BMPR2: variants seen among roughly 807,000 people sequenced by gnomAD.
BMPR2 encodes bone morphogenetic protein receptor type-2.
Under a neutral mutation model 100.8 loss-of-function variants are expected in BMPR2, and 29 were observed. That is an observed-to-expected ratio of 0.29 (90% CI 0.21 to 0.39). The LOEUF is 0.39. Ranked by LOEUF, BMPR2 falls within the 10% of genes least tolerant of loss-of-function variation. The probability of loss-of-function intolerance (pLI) is 1.00; values close to 1 mark genes in which losing one functional copy is unlikely to be tolerated. For missense variants in BMPR2, 1,011 were observed against 1,274.5 expected (o/e 0.79, Z 3.15); for synonymous variants, 382 against 442.3 (o/e 0.86, Z 1.71).
chr2:202,448,225 G>A (rs561463314), intron 1 of BMPR2, among the ~76,000 whole-genome samples: 15 of 151,142 alleles, frequency 9.9e-5, no homozygotes, highest in African/African-American at 3.6e-4. Context: ...CGAGGCGGGC[G>A]GATCATGAGG....
chr2:202,387,105 T>A (rs1338511401), intron 1 of BMPR2, among the ~76,000 whole-genome samples: 1 of 152,242 alleles, frequency 6.6e-6, no homozygotes, highest in African/African-American at 2.4e-5. Flanking sequence ...CTTCTGCAAT[T>A]TATGACCTCA....
intron 7 of BMPR2, among the ~76,000 whole-genome samples, chr2:202,523,472 C>T (rs1447213974): frequency 1.3e-5 from 2 of 152,200 alleles, no homozygotes; most frequent in Non-Finnish European, 2.9e-5. Context: ...GATACGGAAT[C>T]AACCTACTTG....
rs1199192964 is a variant in BMPR2, at chr2:202,503,347, G to A, written c.419-10372G>A. Among the ~76,000 whole-genome samples the A allele has an allele frequency of 5.3e-5, 8 of 152,346 alleles. No individual in the cohort carries two copies. In the South Asian group the frequency reaches 6.2e-4, roughly 12 times the overall value. The stretch of plus-strand genomic sequence containing the variant: ...GCCCCTTTCTGGGCTGGCCAAGGCC[G>A]GAGCCCACTCCCTCAGCTTGCAGGG... On this transcript the variant is annotated intron_variant, in intron 3 of 12. Transcript: ENST00000374580. This position sits in a 1 kb window ranked among gnomAD's most constrained non-coding sequence, Gnocchi z 4.0.
At chr2:202,553,004 A>G (rs1382532182) in intron 11 of BMPR2, 116 bp downstream of exon 11, 13 of 1,262,454 alleles carry the variant, frequency 1.0e-5, no homozygotes, top group Middle Eastern at 2.3e-4. Flanking sequence ...ACCTCATACA[A>G]TCTAAAGTTA....
At chr2:202,414,576 T>A (rs1385185618) in intron 1 of BMPR2, among the ~76,000 whole-genome samples, 4 of 152,222 alleles carry the variant, frequency 2.6e-5, no homozygotes, top group Admixed American at 2.6e-4. Context: ...GAAAAGTTCT[T>A]GAAGAAAATT....
At chr2:202,446,379 C>G (rs1691849130) in intron 1 of BMPR2, among the ~76,000 whole-genome samples, 1 of 149,506 alleles carries the variant, frequency 6.7e-6, no homozygotes, top group South Asian at 2.1e-4. Context: ...GCTGGGGCAA[C>G]AAGAGCGAAA....
At chr2:202,545,515 A>T (rs1180512014) in intron 10 of BMPR2, among the ~76,000 whole-genome samples, 1 of 152,184 alleles carries the variant, frequency 6.6e-6, no homozygotes, top group Non-Finnish European at 1.5e-5. Flanking sequence ...AGCAACTTAA[A>T]TTATTTTACT....
intron 3 of BMPR2, among the ~76,000 whole-genome samples, chr2:202,484,810 A>G (rs1461398869): frequency 6.6e-6 from 1 of 151,018 alleles, no homozygotes. Flanking sequence ...ACTAAAAAAA[A>G]TGCAAAAAAT....
intron 1 of BMPR2, among the ~76,000 whole-genome samples, chr2:202,404,167 C>G (rs1298384312): frequency 6.7e-6 from 1 of 149,378 alleles, no homozygotes; most frequent in Non-Finnish European, 1.5e-5. Flanking sequence ...CATTTTAGAG[C>G]TAAAATTTGT....
At chr2:202,437,750 A>G (rs1358290992) in intron 1 of BMPR2, among the ~76,000 whole-genome samples, 1 of 150,630 alleles carries the variant, frequency 6.6e-6, no homozygotes, top group South Asian at 2.1e-4. Context: ...TCTTTCACTC[A>G]GCATAATGTT....
At chr2:202,515,721 C>A (rs901413728) in intron 5 of BMPR2, among the ~76,000 whole-genome samples, 2 of 152,004 alleles carry the variant, frequency 1.3e-5, no homozygotes, top group African/African-American at 4.8e-5. Flanking sequence ...GAAACCCTAT[C>A]TCTACTAAAA....
intron 1 of BMPR2, among the ~76,000 whole-genome samples, chr2:202,457,777 T>A (rs1397276749): frequency 6.6e-6 from 1 of 152,154 alleles, no homozygotes; most frequent in African/African-American, 2.4e-5. Context: ...TCACCCACAC[T>A]GGAGTGCAAT....
In BMPR2 at chr2:202,384,569, T is replaced by TTTCTTTCTTTCTTTCTTTTTTTCTTTC. The variant is rs138215628; in HGVS notation, c.76+7021_76+7022insCTTTCTTTCTTTCTTTTTTTCTTTCTT. On this transcript the variant is annotated intron_variant, in intron 1 of 12. Coordinates refer to ENST00000374580, the MANE Select transcript of BMPR2 (RefSeq NM_001204.7). ...CTTTCTTTCTTTCTTTCTTTCTTTC[T>TTTCTTTCTTTCTTTCTTTTTTTCTTTC]TTTTCTTTCTTTTCTTTCTTTTCTT... Among the ~76,000 whole-genome samples, 30 of 93,594 alleles carry TTTCTTTCTTTCTTTCTTTTTTTCTTTC rather than the reference T, an allele frequency of 3.2e-4. 2 individuals are homozygous for TTTCTTTCTTTCTTTCTTTTTTTCTTTC. The South Asian group carries it at 4.5e-3, about 14-fold the overall frequency. 61.4% of individuals were successfully genotyped at this position (93,594 alleles called of 152,430 possible).
intron 1 of BMPR2, among the ~76,000 whole-genome samples, chr2:202,400,588 AATG>A (rs1690752138): frequency 6.6e-6 from 1 of 152,208 alleles, no homozygotes; most frequent in South Asian, 2.1e-4. Context: ...AGTAGATGAT[AATG>A]ATAATAGCAC....
chr2:202,431,718 G>A (rs1010906863), intron 1 of BMPR2, among the ~76,000 whole-genome samples: 2 of 150,400 alleles, frequency 1.3e-5, no homozygotes, highest in Non-Finnish European at 2.9e-5. Context: ...AGGAGCAATA[G>A]ACTTTATAAC....
intron 3 of BMPR2, among the ~76,000 whole-genome samples, chr2:202,474,040 G>A (rs1456775596): frequency 6.6e-6 from 1 of 151,894 alleles, no homozygotes; most frequent in Non-Finnish European, 1.5e-5. Flanking sequence ...AGGAGGCAGA[G>A]GTTGCAGTGA....
chr2:202,474,512 T>G (rs1353287854), intron 3 of BMPR2, among the ~76,000 whole-genome samples: 3 of 151,984 alleles, frequency 2.0e-5, no homozygotes, highest in African/African-American at 7.3e-5. Flanking sequence ...GTGGGAAGAC[T>G]GTGGAAAGGT....
At chr2:202,418,180 G>C (rs1177868043) in intron 1 of BMPR2, among the ~76,000 whole-genome samples, 2 of 152,146 alleles carry the variant, frequency 1.3e-5, no homozygotes, top group Non-Finnish European at 2.9e-5. Context: ...ATATCACTGA[G>C]GTATGCTTGT....
At chr2:202,428,948 C>T (rs2105929698) in intron 1 of BMPR2, among the ~76,000 whole-genome samples, 1 of 152,190 alleles carries the variant, frequency 6.6e-6, no homozygotes, top group South Asian at 2.1e-4. Context: ...GGTTCTTGCA[C>T]CTTGTAAGAA....
Sources: gnomAD v4.1 joint callset for allele counts (sites outside exome capture counted in the v4.1 genomes callset) on GRCh38, gnomAD v4.1.1 for gene constraint, Gnocchi (gnomAD v3.1) non-coding constraint, MANE v1.5 for transcripts, NCBI Gene and HGNC (gene_info 2026-07-23, HGNC 2026-07-21) for gene names.